The following MNAT1 variants were observed in gnomAD, a reference collection of about 807,000 sequenced individuals.
MNAT1 encodes CDK-activating kinase assembly factor MAT1.
Under a neutral mutation model 42.0 loss-of-function variants are expected in MNAT1, and 43 were observed. That is an observed-to-expected ratio of 1.02 (90% CI 0.80 to 1.32). The LOEUF is 1.32. MNAT1 is among the 40% of genes most tolerant of loss of function. MNAT1 has a pLI of 0.00. For missense variants in MNAT1, 306 were observed against 350.4 expected, an observed-to-expected ratio of 0.87 and a Z score of 1.01; for synonymous variants, 118 against 120.0, an observed-to-expected ratio of 0.98 and a Z score of 0.11.
At chr14:60,923,779 G>T (rs558417645) in intron 7 of MNAT1, among the ~76,000 whole-genome samples, 1 of 152,138 alleles carries the variant, frequency 6.6e-6, no homozygotes. Flanking sequence ...AGGAGTTTGA[G>T]ACCAGCTTGG....
intron 1 of MNAT1, among the ~76,000 whole-genome samples, chr14:60,758,429 C>A (rs1360359737): frequency 1.3e-5 from 2 of 152,024 alleles, no homozygotes; most frequent in African/African-American, 4.8e-5. Flanking sequence ...TCTCGAACTC[C>A]TGGGCTCAAG....
chr14:60,770,888 TATATA>T (rs1297067554), intron 1 of MNAT1, among the ~76,000 whole-genome samples: 1 of 152,220 alleles, frequency 6.6e-6, no homozygotes, highest in Non-Finnish European at 1.5e-5. Flanking sequence ...TTTCCACTGT[TATATA>T]GTATTCCATT....
intron 1 of MNAT1, among the ~76,000 whole-genome samples, chr14:60,792,217 G>T (rs929053302): frequency 2.6e-5 from 4 of 152,060 alleles, no homozygotes; most frequent in Non-Finnish European, 1.5e-5. Flanking sequence ...ATTAACTGGT[G>T]ATCATTTAGG....
At chr14:60,848,722 T>C (rs936170927) in intron 6 of MNAT1, among the ~76,000 whole-genome samples, 20 of 152,156 alleles carry the variant, frequency 1.3e-4, no homozygotes, top group Admixed American at 7.2e-4. Flanking sequence ...ATATGTCACA[T>C]AAAAACACAT....
intron 7 of MNAT1, among the ~76,000 whole-genome samples, chr14:60,886,227 G>A (rs1282888184): frequency 6.6e-6 from 1 of 151,752 alleles, no homozygotes; most frequent in Non-Finnish European, 1.5e-5. Context: ...TTTGTTTTTT[G>A]TGGGTATTTT....
chr14:60,753,950 CTA>C (rs2030216226), intron 1 of MNAT1: 1 of 152,166 alleles, frequency 6.6e-6, no homozygotes, highest in South Asian at 2.1e-4. Context: ...TGGTTACTCT[CTA>C]TGTTCTTGGG....
Position 60,969,670 on chromosome 14 carries a change from G to A in MNAT1, c.*1321G>A, listed in dbSNP as rs1030373649. 1 of 151,686 alleles carries A rather than the reference G, an allele frequency of 6.6e-6. No homozygotes were observed. Among genetic ancestry groups the A allele is most frequent in the Non-Finnish European group, 1.5e-5 (1 of 67,958 alleles). 9.4% of individuals were successfully genotyped at this position (151,686 alleles called of 1,614,324 possible). On this transcript the variant is annotated 3_prime_UTR_variant, in exon 8 of 8. Transcript: ENST00000261245. ...ATTCCTGTATCTATTAGGTATTCCCGAACTGAGGATTAGTGTTTTTAAGTA... is the reference window on the plus strand; with the variant it reads ...ATTCCTGTATCTATTAGGTATTCCCAAACTGAGGATTAGTGTTTTTAAGTA...
At chr14:60,946,974 G>C (rs1422157867) in intron 7 of MNAT1, among the ~76,000 whole-genome samples, 2 of 152,196 alleles carry the variant, frequency 1.3e-5, no homozygotes, top group African/African-American at 2.4e-5. Context: ...ATGTGGCAGA[G>C]AGACAGCAAG....
chr14:60,931,111 T>C lies in MNAT1; in HGVS notation c.810-37118T>C, dbSNP rs144318738. Among the ~76,000 whole-genome samples the C allele has an allele frequency of 1.2e-3, 181 of 152,148 alleles. 1 individual carries two copies. The highest frequency in any genetic ancestry group is 4.1e-3 in the African/African-American group (171 of 41,522). Reference sequence around the variant, plus strand: ...AGCAGTGAGGATGGAGTTGAGGGAATGGATTTGAGACTGAAGGGATAGAAT... The same window carrying C: ...AGCAGTGAGGATGGAGTTGAGGGAACGGATTTGAGACTGAAGGGATAGAAT... On this transcript the variant is annotated intron_variant, in intron 7 of 7. Coordinates refer to ENST00000261245, the MANE Select transcript of MNAT1 (RefSeq NM_002431.4).
chr14:60,784,179 ATT>A (rs71114155), intron 1 of MNAT1, among the ~76,000 whole-genome samples: 35 of 53,294 alleles, frequency 6.6e-4, no homozygotes, highest in African/African-American at 1.3e-3. Context: ...TGCCTGGCTA[ATT>A]TTTTTTTTTT....
chr14:60,914,854 GA>G (rs2035477426), intron 7 of MNAT1, among the ~76,000 whole-genome samples: 2 of 152,174 alleles, frequency 1.3e-5, no homozygotes, highest in African/African-American at 2.4e-5. Flanking sequence ...TACTTTGGGA[GA>G]GCAGAGTGAA....
rs775260217 is a variant in MNAT1 at position 60,753,810 on chromosome 14, TC to T, written c.89+18861del. On this transcript the variant is annotated intron_variant, in intron 1 of 7. Coordinates refer to ENST00000261245, the MANE Select transcript of MNAT1 (RefSeq NM_002431.4). ...AAGAGGGCTCCCAGTGATTTTTGTC[TC>T]CTACTTTTTATGTCCTTGCTTAGTT... 4.7e-4 allele frequency: 71 copies of T among 152,318 alleles called. 1 individual carries two copies. In the Middle Eastern group the frequency reaches 0.02, roughly 44 times the overall value. The allele number at this position is 152,318 out of a possible 1,614,324, so 9.4% of individuals were successfully genotyped here.
chr14:60,887,234 T>TTTTTA (rs1566535842), intron 7 of MNAT1, among the ~76,000 whole-genome samples: 1 of 152,048 alleles, frequency 6.6e-6, no homozygotes, highest in African/African-American at 2.4e-5. Flanking sequence ...TTGTTTTTTG[T>TTTTTA]TTTTATTTTA....
At chr14:60,926,520 G>A (rs1307723908) in intron 7 of MNAT1, among the ~76,000 whole-genome samples, 1 of 152,156 alleles carries the variant, frequency 6.6e-6, no homozygotes, top group African/African-American at 2.4e-5. Flanking sequence ...GCGGCTCACA[G>A]AACTCAGGGA....
In MNAT1 at chr14:60,759,456, A is replaced by T. The variant is rs148147785; in HGVS notation, c.89+24505A>T. Among the ~76,000 whole-genome samples, 249 of 152,322 alleles carry T rather than the reference A, an allele frequency of 1.6e-3. 1 individual carries two copies. Among genetic ancestry groups the T allele is most frequent in the Middle Eastern group, 0.01 (3 of 294 alleles). Reference sequence around the variant, plus strand: ...GTTGCCAACATGTAAAAATGAGGAGACATCATGTAAAAATTTGGATCTCTC... The same window carrying T: ...GTTGCCAACATGTAAAAATGAGGAGTCATCATGTAAAAATTTGGATCTCTC... On this transcript the variant is annotated intron_variant, in intron 1 of 7. Coordinates refer to ENST00000261245, the MANE Select transcript of MNAT1 (RefSeq NM_002431.4).
At chr14:60,827,574 G>A (rs1017637542) in intron 6 of MNAT1, among the ~76,000 whole-genome samples, 1 of 152,124 alleles carries the variant, frequency 6.6e-6, no homozygotes. Flanking sequence ...AACAGCTTAG[G>A]TGCTTTACCA....
chr14:60,812,022 A>T lies in MNAT1; in HGVS notation c.456A>T (p.Glu152Asp). ...AGGAAGAACTGGAAGAAGCTTTAGA[A>T]GTGGAACGACAGGAAAATGAACAAA... ...REQEELEEAL[E>D]VERQENEQRR... Residue 152 changes from glutamate to aspartate, a missense_variant, in exon 5 of 8, where the codon GAA (glutamate) becomes GAT (aspartate). By Grantham distance (45) the Glu-to-Asp change is conservative. Coordinates refer to ENST00000261245, the MANE Select transcript of MNAT1 (RefSeq NM_002431.4). The T allele has an allele frequency of 1.2e-6, 2 of 1,603,020 alleles. No homozygotes were observed. Among genetic ancestry groups the T allele is most frequent in the Non-Finnish European group, 1.7e-6 (2 of 1,176,852 alleles).
intron 6 of MNAT1, among the ~76,000 whole-genome samples, chr14:60,846,243 T>C (rs980396488): frequency 6.6e-6 from 1 of 152,114 alleles, no homozygotes; most frequent in Admixed American, 6.5e-5. Context: ...CTAAGTTGAA[T>C]TTCTGTAGGG....
chr14:60,773,327 A>G (rs1005716940), intron 1 of MNAT1, among the ~76,000 whole-genome samples: 17 of 152,256 alleles, frequency 1.1e-4, no homozygotes, highest in African/African-American at 3.4e-4. Flanking sequence ...GAGTGGAAGT[A>G]TTTTACTAAG....
Sources: allele counts gnomAD v4.1 joint callset (sites outside exome capture counted in the v4.1 genomes callset), GRCh38; gene constraint gnomAD v4.1.1; transcripts MANE v1.5; gene names NCBI Gene and HGNC (gene_info 2026-07-23, HGNC 2026-07-21).